The following CCDC63 variants were observed in gnomAD, a reference collection of about 807,000 sequenced individuals.
CCDC63 encodes the protein coiled-coil domain-containing protein 63.
A neutral mutation model predicts 63.6 loss-of-function variants in CCDC63; 54 were observed. That is an observed-to-expected ratio of 0.85 (90% CI 0.68 to 1.07). The LOEUF (loss-of-function observed/expected upper bound fraction) is 1.07, where lower values mean the gene tolerates loss of function less well. Among genes scored for constraint, CCDC63 ranks in the 50% least tolerant of loss-of-function variants. The pLI is 0.00. For missense variants in CCDC63, 637 were observed against 689.6 expected (o/e 0.92, Z 0.86); for synonymous variants, 253 against 266.1 (o/e 0.95, Z 0.48).
chr12:110,894,203 GCAA>G (rs71083162), intron 9 of CCDC63, among the ~76,000 whole-genome samples: 1 of 151,384 alleles, frequency 6.6e-6, no homozygotes, highest in East Asian at 1.9e-4. Context: ...AGTGGGAGCT[GCAA>G]CAACAACAAC....
intron 4 of CCDC63, among the ~76,000 whole-genome samples, chr12:110,867,911 C>T (rs577968827): frequency 8.8e-5 from 13 of 147,468 alleles, no homozygotes; most frequent in South Asian, 6.5e-4. Context: ...GGCTGCCAGG[C>T]GGAGAGGCTC....
chr12:110,853,266 C>A, intron 2 of CCDC63, 139 bp from the exon 3 acceptor site: 1 of 833,946 alleles, frequency 1.2e-6, no homozygotes, highest in Non-Finnish European at 1.8e-6. Flanking sequence ...AGACAAGCAG[C>A]TGACATCACC....
intron 10 of CCDC63, among the ~76,000 whole-genome samples, chr12:110,904,338 C>CA (rs112819975): frequency 0.31 from 36,232 of 116,676 alleles, 4,868 homozygotes; most frequent in Admixed American, 0.38. Context: ...CAGACCTTGT[C>CA]AAAAAAAAAA....
At chr12:110,853,287 T>G in intron 2 of CCDC63, 118 bp from the exon 3 acceptor site, 1 of 988,188 alleles carries the variant, frequency 1.0e-6, no homozygotes, top group East Asian at 2.6e-5. Flanking sequence ...CAAGGGAAGG[T>G]CTTCCACTTC....
chr12:110,851,460 TG>T, intron 1 of CCDC63, among the ~76,000 whole-genome samples: 1 of 152,148 alleles, frequency 6.6e-6, no homozygotes, highest in East Asian at 1.9e-4. Flanking sequence ...CCATTCACTC[TG>T]GTTGGACTAG....
intron 4 of CCDC63, among the ~76,000 whole-genome samples, chr12:110,867,522 G>T: frequency 9.4e-6 from 1 of 106,534 alleles, no homozygotes; most frequent in Non-Finnish European, 2.0e-5. Flanking sequence ...TGGCCGGGCG[G>T]GGGGCTGACC....
intron 9 of CCDC63, among the ~76,000 whole-genome samples, chr12:110,893,874 T>G (rs1012192699): frequency 5.9e-5 from 9 of 151,884 alleles, no homozygotes; most frequent in African/African-American, 2.2e-4. Flanking sequence ...GGCGCACACC[T>G]GTAATCCCAG....
intron 3 of CCDC63, 78 bp from the exon 4 acceptor site, chr12:110,858,508 C>G (rs1280696034): frequency 6.9e-6 from 9 of 1,313,316 alleles, no homozygotes; most frequent in Non-Finnish European, 5.2e-6. Flanking sequence ...GGTCTCCTTG[C>G]AGGGCTGATG....
chr12:110,878,883 T>TA (rs1374172810), intron 5 of CCDC63, among the ~76,000 whole-genome samples: 1 of 152,012 alleles, frequency 6.6e-6, no homozygotes, highest in Non-Finnish European at 1.5e-5. Context: ...ACATCGCCTT[T>TA]AAAAAACAAC....
chr12:110,888,117 T>G (rs2071308151), intron 8 of CCDC63, among the ~76,000 whole-genome samples: 2 of 152,168 alleles, frequency 1.3e-5, no homozygotes, highest in Non-Finnish European at 2.9e-5. Context: ...CCAGCCAGGC[T>G]GAAGTGCTCC....
At chr12:110,883,621 TTTG>T (rs910074828) in intron 7 of CCDC63, among the ~76,000 whole-genome samples, 6 of 151,926 alleles carry the variant, frequency 3.9e-5, no homozygotes, top group Non-Finnish European at 7.4e-5. Context: ...TGTTTGTTTG[TTTG>T]TTTTTTGTTT....
chr12:110,899,553 C>T (rs2071459271), intron 10 of CCDC63, among the ~76,000 whole-genome samples: 1 of 152,088 alleles, frequency 6.6e-6, no homozygotes, highest in African/African-American at 2.4e-5. Context: ...CTCCTTTGCT[C>T]AAGTGATCCG....
At chr12:110,898,193 G>C (rs1208000156) in intron 9 of CCDC63, among the ~76,000 whole-genome samples, 1 of 151,542 alleles carries the variant, frequency 6.6e-6, no homozygotes, top group Non-Finnish European at 1.5e-5. Flanking sequence ...AACGTGGGAG[G>C]ATAGCTTGAG....
chr12:110,862,142 T>A (rs1379114399), intron 4 of CCDC63, among the ~76,000 whole-genome samples: 1 of 152,022 alleles, frequency 6.6e-6, no homozygotes, highest in African/African-American at 2.4e-5. Context: ...AAGGAGGCAA[T>A]AAAGGGAATA....
intron 7 of CCDC63, 85 bp downstream of exon 7, chr12:110,881,381 C>G: frequency 1.5e-6 from 2 of 1,358,844 alleles, no homozygotes; most frequent in Non-Finnish European, 2.0e-6. Flanking sequence ...GTGAAGGTGC[C>G]CAAGTCTCCT....
intron 4 of CCDC63, among the ~76,000 whole-genome samples, chr12:110,862,790 C>T (rs1439137405): frequency 6.6e-6 from 1 of 151,262 alleles, no homozygotes; most frequent in African/African-American, 2.4e-5. Context: ...CCATCTCACT[C>T]TGTCACCCAG....
chr12:110,900,925 G>A (rs181910962), intron 10 of CCDC63, among the ~76,000 whole-genome samples: 13 of 152,220 alleles, frequency 8.5e-5, no homozygotes, highest in Non-Finnish European at 1.8e-4. Flanking sequence ...TACACTCTGT[G>A]TTTGGGAGGT....
intron 4 of CCDC63, among the ~76,000 whole-genome samples, chr12:110,866,308 TC>T (rs1406508000): frequency 3.6e-5 from 4 of 111,952 alleles, no homozygotes; most frequent in Non-Finnish European, 3.5e-5. Flanking sequence ...CTTAAGCCAC[TC>T]TTTTTTTTTT....
At chr12:110,906,050 TATATATATA>T in intron 11 of CCDC63, among the ~76,000 whole-genome samples, 1 of 82,082 alleles carries the variant, frequency 1.2e-5, no homozygotes, top group East Asian at 3.1e-4. Flanking sequence ...TAATATATAA[TATATATATA>T]ATATATATAC....
Sources: gnomAD v4.1 joint callset for allele counts (sites outside exome capture counted in the v4.1 genomes callset) on GRCh38, gnomAD v4.1.1 for gene constraint, MANE v1.5 for transcripts, NCBI Gene and HGNC (gene_info 2026-07-23, HGNC 2026-07-21) for gene names.